Variants in USP53 observed in about 807,000 individuals in gnomAD.
USP53 encodes the protein ubiquitin carboxyl-terminal hydrolase 53.
In USP53, 71 loss-of-function variants were observed where a neutral mutation model predicts 94.9. That is an observed-to-expected ratio of 0.75 (90% CI 0.62 to 0.91). The LOEUF is 0.91. Ranked by LOEUF, USP53 falls within the 40% of genes least tolerant of loss-of-function variation. The pLI, the probability that USP53 is intolerant of heterozygous loss-of-function variation, is 0.00. For missense variants in USP53, 1,173 were observed against 1,281.0 expected (o/e 0.92, Z 1.29); for synonymous variants, 375 against 422.7 (o/e 0.89, Z 1.39).
intron 17 of USP53, among the ~76,000 whole-genome samples, chr4:119,283,920 G>C (rs1185570784): frequency 6.6e-6 from 1 of 151,876 alleles, no homozygotes; most frequent in East Asian, 1.9e-4. Flanking sequence ...GATCCTTCAG[G>C]AAAATTGGAG....
chr4:119,292,341 A>C lies in USP53; in HGVS notation c.2352A>C (p.Ser784=). 3 of 1,578,040 alleles carry C rather than the reference A, an allele frequency of 1.9e-6. No homozygotes were observed. Among genetic ancestry groups the C allele is most frequent in the Non-Finnish European group, 2.6e-6 (3 of 1,165,466 alleles). The change falls in exon 19 of 19, where the codon TCA becomes TCC. Residue 784 remains serine, a synonymous_variant. Transcript: ENST00000692078. ...TGTTTTTATTTTCATATTTCAGATC[A>C]CATGTACATGAAGACAATGGAAAGT... is the stretch of plus-strand genomic sequence containing the variant. The part of the protein sequence containing the change: ...LQIKNHLIKR[S]HVHEDNGKLF...
At chr4:119,256,693 GT>G (rs1327658100) in intron 9 of USP53, among the ~76,000 whole-genome samples, 170 bp downstream of exon 9, 1 of 152,172 alleles carries the variant, frequency 6.6e-6, no homozygotes, top group African/African-American at 2.4e-5. Flanking sequence ...TTGGATGTTT[GT>G]AATTTGGCCT....
intron 1 of USP53, among the ~76,000 whole-genome samples, chr4:119,213,660 A>ATGTGTGTG (rs1553962017): frequency 1.7e-5 from 2 of 117,792 alleles, no homozygotes; most frequent in African/African-American, 7.2e-5. Context: ...ATATATATAT[A>ATGTGTGTG]TGTGTGTGTG....
At chr4:119,263,867 C>G (rs1210079438) in intron 12 of USP53, among the ~76,000 whole-genome samples, 1 of 151,996 alleles carries the variant, frequency 6.6e-6, no homozygotes, top group African/African-American at 2.4e-5. Flanking sequence ...GTCAAGAGAT[C>G]AAGAGCATCC....
chr4:119,227,759 A>G (rs534791829), intron 3 of USP53, among the ~76,000 whole-genome samples: 1 of 152,318 alleles, frequency 6.6e-6, no homozygotes, highest in African/African-American at 2.4e-5. Context: ...TACAAGAGAA[A>G]TGTATCCACA....
chr4:119,270,131 C>A (rs1449215282), intron 15 of USP53, among the ~76,000 whole-genome samples: 2 of 150,784 alleles, frequency 1.3e-5, no homozygotes, highest in Non-Finnish European at 3.0e-5. Context: ...AGAGTTCACT[C>A]TTGTCCAGCC....
At chr4:119,246,696 T>A (rs954846418) in intron 6 of USP53, among the ~76,000 whole-genome samples, 30 of 152,150 alleles carry the variant, frequency 2.0e-4, no homozygotes, top group African/African-American at 7.2e-4. Context: ...GGGCATTGTT[T>A]TGAGTGGAAG....
At chr4:119,243,603 TAAAGAC>T (rs1189950218) in intron 5 of USP53, among the ~76,000 whole-genome samples, 1 of 152,226 alleles carries the variant, frequency 6.6e-6, no homozygotes, top group African/African-American at 2.4e-5. Context: ...AGTATTGTGT[TAAAGAC>T]AATAATGTAC....
chr4:119,243,869 T>C (rs942621797), intron 5 of USP53, among the ~76,000 whole-genome samples: 1 of 151,486 alleles, frequency 6.6e-6, no homozygotes, highest in African/African-American at 2.4e-5. Context: ...CTATACTATT[T>C]AATAGCTCAC....
At chr4:119,261,693 C>T in intron 11 of USP53, 22 bp from the exon 12 acceptor site, 1 of 1,551,622 alleles carries the variant, frequency 6.4e-7, no homozygotes, top group Non-Finnish European at 8.8e-7. Flanking sequence ...GTTAAGTGTA[C>T]ATTACCAATT....
In USP53 at chr4:119,278,241, G is replaced by C. The variant is rs1452222097; in HGVS notation, c.2251+4533G>C. ...CATGATTTTGCAGCGGCTGGTACCG[G>C]TTGTTCCTTTCCATGTTTAGCGCTT... On this transcript the variant is annotated intron_variant, in intron 17 of 18. Coordinates refer to ENST00000692078, the MANE Select transcript of USP53 (RefSeq NM_001371395.1). Among the ~76,000 whole-genome samples, 208 of 150,744 alleles carry C rather than the reference G, an allele frequency of 1.4e-3. 1 individual carries two copies. Among genetic ancestry groups the C allele is most frequent in the African/African-American group, 4.8e-3 (195 of 40,980 alleles).
At chr4:119,273,749 G>A in intron 17 of USP53, 41 bp downstream of exon 17, 1 of 1,493,194 alleles carries the variant, frequency 6.7e-7, no homozygotes, top group Non-Finnish European at 9.2e-7. Context: ...TGTAAAAAAT[G>A]AATTATAGTA....
chr4:119,267,637 G>T (rs928727880), intron 13 of USP53, among the ~76,000 whole-genome samples, 155 bp downstream of exon 13: 1 of 152,132 alleles, frequency 6.6e-6, no homozygotes, highest in Admixed American at 6.6e-5. Context: ...TAGTATTTTG[G>T]AATGAACCTT....
intron 6 of USP53, among the ~76,000 whole-genome samples, chr4:119,247,286 C>T (rs1232520578): frequency 6.6e-6 from 1 of 152,158 alleles, no homozygotes; most frequent in Non-Finnish European, 1.5e-5. Context: ...GCATTTTAGC[C>T]AAACTGGGCT....
chr4:119,291,143 T>TGGGC, intron 17 of USP53, 22 bp from the exon 18 acceptor site: 1 of 747,560 alleles, frequency 1.3e-6, no homozygotes. Flanking sequence ...TCATCTCTTC[T>TGGGC]CCCCACCCCA....
chr4:119,249,297 A>G (rs1016530102), intron 7 of USP53, among the ~76,000 whole-genome samples: 4 of 152,132 alleles, frequency 2.6e-5, no homozygotes, highest in Admixed American at 2.0e-4. Context: ...TTGGTGGGTA[A>G]CAGGGGCAAC....
At chr4:119,246,313 T>G (rs952398919) in intron 6 of USP53, among the ~76,000 whole-genome samples, 6 of 152,196 alleles carry the variant, frequency 3.9e-5, no homozygotes, top group African/African-American at 1.2e-4. Flanking sequence ...CTCACCCACC[T>G]CTGTCTCTTG....
At chr4:119,280,659 C>CT (rs565643492) in intron 17 of USP53, among the ~76,000 whole-genome samples, 76 of 152,258 alleles carry the variant, frequency 5.0e-4, no homozygotes, top group Middle Eastern at 3.4e-3. Flanking sequence ...AGGGGAAACT[C>CT]TATCAGGATA....
chr4:119,227,198 TG>T (rs893764668), intron 3 of USP53, among the ~76,000 whole-genome samples: 32 of 150,630 alleles, frequency 2.1e-4, no homozygotes, highest in African/African-American at 7.6e-4. Context: ...TTTTAAAAAA[TG>T]GTGCTGGAAA....
Sources: allele counts gnomAD v4.1 joint callset (sites outside exome capture counted in the v4.1 genomes callset), GRCh38; gene constraint gnomAD v4.1.1; transcripts MANE v1.5; gene names NCBI Gene and HGNC (gene_info 2026-07-23, HGNC 2026-07-21).